Variants in FBXL7 observed in about 807,000 individuals in gnomAD.
FBXL7 encodes the protein F-box/LRR-repeat protein 7.
FBXL7 carries 12 observed loss-of-function variants against 38.3 expected under a neutral mutation model. The observed-to-expected ratio is 0.31, with a 90% confidence interval of 0.20 to 0.51. FBXL7 has a LOEUF of 0.51. Ranked by LOEUF, FBXL7 falls within the 20% of genes least tolerant of loss-of-function variation. The probability of loss-of-function intolerance (pLI) is 0.98; values close to 1 mark genes in which losing one functional copy is unlikely to be tolerated. For missense variants in FBXL7, 567 were observed against 676.4 expected, an observed-to-expected ratio of 0.84 and a Z score of 1.79; for synonymous variants, 297 against 300.9, an observed-to-expected ratio of 0.99 and a Z score of 0.13.
chr5:15,761,037 G>A (rs188412019), intron 2 of FBXL7, among the ~76,000 whole-genome samples: 117 of 152,130 alleles, frequency 7.7e-4, no homozygotes, highest in East Asian at 5.6e-3. Flanking sequence ...TAAGAAATGG[G>A]GCAGCCATGA....
chr5:15,775,043 T>C (rs1736824111), intron 2 of FBXL7, among the ~76,000 whole-genome samples: 1 of 152,174 alleles, frequency 6.6e-6, no homozygotes, highest in Non-Finnish European at 1.5e-5. Flanking sequence ...CAGAAAACAT[T>C]TCTGACATGA....
At chr5:15,607,079 A>G (rs990196263) in intron 1 of FBXL7, 1 of 152,218 alleles carries the variant, frequency 6.6e-6, no homozygotes, top group African/African-American at 2.4e-5. Context: ...CCAGTCAGGA[A>G]AATAACAGTA....
intron 2 of FBXL7, among the ~76,000 whole-genome samples, chr5:15,853,513 G>A (rs1449162446): frequency 6.6e-6 from 1 of 152,040 alleles, no homozygotes; most frequent in Non-Finnish European, 1.5e-5. Flanking sequence ...ATCTATTCCT[G>A]GGACCTTAGT....
At chr5:15,507,344 C>T (rs1034702218) in intron 1 of FBXL7, among the ~76,000 whole-genome samples, 11 of 152,010 alleles carry the variant, frequency 7.2e-5, no homozygotes, top group African/African-American at 1.7e-4. Context: ...GATATTTTTT[C>T]GAGATTTGGG....
intron 2 of FBXL7, among the ~76,000 whole-genome samples, chr5:15,715,051 A>G (rs1405682007): frequency 1.3e-5 from 2 of 152,048 alleles, no homozygotes; most frequent in Non-Finnish European, 2.9e-5. Flanking sequence ...TCCTGCCAAC[A>G]CCTTGATTTT....
At chr5:15,694,319 A>G (rs1056815153) in intron 2 of FBXL7, among the ~76,000 whole-genome samples, 1 of 152,164 alleles carries the variant, frequency 6.6e-6, no homozygotes, top group Non-Finnish European at 1.5e-5. Flanking sequence ...ATTTTGTCTT[A>G]GCCTTGTTAT....
chr5:15,916,239 AG>A (rs1357898933), intron 2 of FBXL7, among the ~76,000 whole-genome samples: 3 of 152,178 alleles, frequency 2.0e-5, no homozygotes, highest in Non-Finnish European at 4.4e-5. Flanking sequence ...AGTGCACCTG[AG>A]GACCTGAATT....
chr5:15,785,019 C>A (rs1737097154), intron 2 of FBXL7, among the ~76,000 whole-genome samples: 1 of 152,142 alleles, frequency 6.6e-6, no homozygotes, highest in Non-Finnish European at 1.5e-5. Flanking sequence ...TTGGGTGTAG[C>A]TATCATGAAT....
At chr5:15,556,029 TATC>T (rs946698266) in intron 1 of FBXL7, among the ~76,000 whole-genome samples, 2 of 149,426 alleles carry the variant, frequency 1.3e-5, no homozygotes, top group Admixed American at 6.7e-5. Flanking sequence ...TCTATCAGTC[TATC>T]ATCTACTTAT....
chr5:15,781,115 G>C (rs1034079883), intron 2 of FBXL7, among the ~76,000 whole-genome samples: 1 of 152,180 alleles, frequency 6.6e-6, no homozygotes, highest in African/African-American at 2.4e-5. Flanking sequence ...GGTCCCGTTT[G>C]AGGAAGAAGA....
chr5:15,769,693 T>C (rs1158093186), intron 2 of FBXL7, among the ~76,000 whole-genome samples: 1 of 150,972 alleles, frequency 6.6e-6, no homozygotes, highest in Non-Finnish European at 1.5e-5. Context: ...GAAGCAGATA[T>C]GACAAATAAA....
intron 2 of FBXL7, among the ~76,000 whole-genome samples, chr5:15,852,912 G>C (rs926618787): frequency 2.0e-5 from 3 of 152,138 alleles, no homozygotes; most frequent in Non-Finnish European, 4.4e-5. Flanking sequence ...ACTTTCCTGG[G>C]AAAACTAAAT....
Position 15,815,727 on chromosome 5 carries a change from C to G in FBXL7, c.128-112163C>G, listed in dbSNP as rs114682515. Among the ~76,000 whole-genome samples the G allele has an allele frequency of 2.6e-3, 392 of 152,272 alleles. 2 individuals are homozygous for G. Among genetic ancestry groups the G allele is most frequent in the African/African-American group, 8.7e-3 (362 of 41,572 alleles). ...GCTTTAAGGGTTTTAAATTTTCACA[C>G]TTTCTTGCTTTCATCAGACCTCAGT... is the stretch of plus-strand genomic sequence containing the variant. On this transcript the variant is annotated intron_variant, in intron 2 of 3. Transcript: ENST00000504595.
In FBXL7 at chr5:15,575,087, G is replaced by C. The variant is rs1008051175; in HGVS notation, c.38-40896G>C. 4.3e-4 allele frequency among the ~76,000 whole-genome samples: 66 copies of C among 152,070 alleles called. 1 individual carries two copies. Among genetic ancestry groups the C allele is most frequent in the Admixed American group, 3.1e-3 (48 of 15,262 alleles). ...TGGCATCTAGTGAGTAGAAGTCAGG[G>C]ATGATGTTAAACATCCTAAAATACA... is the stretch of plus-strand genomic sequence containing the variant. On this transcript the variant is annotated intron_variant, in intron 1 of 3. Transcript: ENST00000504595.
At chr5:15,744,714 C>T (rs1245335631) in intron 2 of FBXL7, among the ~76,000 whole-genome samples, 1 of 152,184 alleles carries the variant, frequency 6.6e-6, no homozygotes, top group Admixed American at 6.5e-5. Context: ...AATCCATTCT[C>T]ACACTACTAA....
intron 2 of FBXL7, among the ~76,000 whole-genome samples, chr5:15,630,043 T>A (rs1330053607): frequency 6.6e-6 from 1 of 152,176 alleles, no homozygotes; most frequent in Admixed American, 6.5e-5. Flanking sequence ...AATAGATACT[T>A]TGAAAGGAAG....
At chr5:15,563,182 G>T (rs1335508893) in intron 1 of FBXL7, among the ~76,000 whole-genome samples, 1 of 152,068 alleles carries the variant, frequency 6.6e-6, no homozygotes, top group Non-Finnish European at 1.5e-5. Context: ...AAGGCAAGTT[G>T]TTTTTCAGTG....
intron 1 of FBXL7, among the ~76,000 whole-genome samples, chr5:15,504,032 G>A (rs1418979979): frequency 2.0e-5 from 3 of 152,218 alleles, no homozygotes; most frequent in Admixed American, 6.5e-5. Context: ...CCAAGGACTA[G>A]CGCTATCCGC....
At chr5:15,556,025 AG>A (rs201010168) in intron 1 of FBXL7, among the ~76,000 whole-genome samples, 1 of 138,536 alleles carries the variant, frequency 7.2e-6, no homozygotes, top group African/African-American at 2.7e-5. Context: ...ATCATCTATC[AG>A]TCTATCATCT....
Sources: gnomAD v4.1 joint callset for allele counts (sites outside exome capture counted in the v4.1 genomes callset) on GRCh38, gnomAD v4.1.1 for gene constraint, MANE v1.5 for transcripts, NCBI Gene and HGNC (gene_info 2026-07-23, HGNC 2026-07-21) for gene names.